Variants in DTYMK observed in about 807,000 individuals in gnomAD.
The protein encoded by DTYMK is thymidylate kinase.
A neutral mutation model predicts 20.3 loss-of-function variants in DTYMK; 20 were observed. The ratio of observed to expected loss-of-function variants is 0.99; its 90% CI spans 0.69 to 1.43. The LOEUF (loss-of-function observed/expected upper bound fraction) is 1.43, where lower values mean the gene tolerates loss of function less well. DTYMK is among the 40% of genes most tolerant of loss of function. The pLI is 0.00. For synonymous variants in DTYMK, 148 were observed against 124.4 expected (o/e 1.19, Z -1.27); for missense variants, 320 against 291.1 (o/e 1.10, Z -0.72).
In DTYMK at chr2:241,677,006, G is replaced by A. The variant is rs1022542562; in HGVS notation, c.529-769C>T. Reference sequence around the variant, plus strand: ...AGCTGTGCTGCACAATGGCGTGAACGGTGCGAGGAGCGTGGGGAGGGCATA... The same window carrying A: ...AGCTGTGCTGCACAATGGCGTGAACAGTGCGAGGAGCGTGGGGAGGGCATA... On this transcript the variant is annotated intron_variant, in intron 4 of 4. Coordinates refer to ENST00000305784, the MANE Select transcript of DTYMK (RefSeq NM_012145.4). 5.9e-5 allele frequency among the ~76,000 whole-genome samples: 9 copies of A among 152,362 alleles called. 1 individual carries two copies. Among genetic ancestry groups the A allele is most frequent in the East Asian group, 5.8e-4 (3 of 5,190 alleles).
At position 241,675,933 on chromosome 2, in the gene DTYMK, T is replaced by C; in HGVS notation, c.*194A>G. 1.8e-6 allele frequency: 1 copy of C among 542,850 alleles called. No homozygotes were observed. Among genetic ancestry groups the C allele is most frequent in the Admixed American group, 3.4e-5 (1 of 29,772 alleles). 33.6% of individuals were successfully genotyped at this position (542,850 alleles called of 1,614,324 possible). The stretch of plus-strand genomic sequence containing the variant: ...TCCATCGCTCTGCTCATGTCCACAC[T>C]GCCAAGGTCCCCACCACGGGGGTCC... On this transcript the variant is annotated 3_prime_UTR_variant, in exon 5 of 5. Coordinates refer to ENST00000305784, the MANE Select transcript of DTYMK (RefSeq NM_012145.4).
intron 3 of DTYMK, among the ~76,000 whole-genome samples, chr2:241,678,931 C>A (rs1575103928): frequency 6.6e-6 from 1 of 152,226 alleles, no homozygotes; most frequent in Admixed American, 6.5e-5. Flanking sequence ...GCCCTCCCAG[C>A]ACAGCTACAG....
chr2:241,679,040 C>T (rs548419076), intron 3 of DTYMK, among the ~76,000 whole-genome samples: 6 of 152,266 alleles, frequency 3.9e-5, no homozygotes, highest in Non-Finnish European at 7.4e-5. Context: ...GACACAGGCA[C>T]GAGGTCCTTG....
chr2:241,685,731 T>C (rs755384797), intron 2 of DTYMK, 38 bp downstream of exon 2: 13 of 1,587,418 alleles, frequency 8.2e-6, no homozygotes, highest in African/African-American at 1.3e-5. Context: ...GGAAGGAAAG[T>C]GGCAAGGGCA....
chr2:241,681,599 A>G (rs2069259903), intron 2 of DTYMK, among the ~76,000 whole-genome samples: 1 of 152,268 alleles, frequency 6.6e-6, no homozygotes, highest in Admixed American at 6.5e-5. Context: ...TGCAACTCCT[A>G]GACAGTAACA....
intron 1 of DTYMK, 106 bp from the exon 2 acceptor site, chr2:241,685,983 A>C: frequency 8.5e-7 from 1 of 1,172,980 alleles, no homozygotes. Context: ...CTCACGTTGA[A>C]TTTTACTTTA....
chr2:241,678,379 C>G (rs1272341369), intron 4 of DTYMK, 73 bp downstream of exon 4: 1 of 1,591,158 alleles, frequency 6.3e-7, no homozygotes, highest in African/African-American at 1.3e-5. Flanking sequence ...GCTGACACAA[C>G]TGTGCCAGCC....
Position 241,678,647 on chromosome 2 carries a change from A to G in DTYMK, c.333T>C (p.Asn111=). ...SGVAFTGAKE[N]FSLDWCKQPD... is the part of the protein sequence containing the mutation. Reference sequence around the variant, plus strand: ...GCTGTTTACACCAATCTAGGGAAAAATTCTGCCAAGAAAGAACCCAACAGT... The same window carrying G: ...GCTGTTTACACCAATCTAGGGAAAAGTTCTGCCAAGAAAGAACCCAACAGT... Residue 111 remains asparagine, a splice_region_variant and synonymous_variant, in exon 4 of 5, where the codon AAT becomes AAC. Transcript: ENST00000305784. 1.2e-6 allele frequency: 2 copies of G among 1,613,956 alleles called. No homozygotes were observed. Among genetic ancestry groups the G allele is most frequent in the Non-Finnish European group, 1.7e-6 (2 of 1,179,982 alleles).
In DTYMK at chr2:241,676,249, G is replaced by C. The variant is rs201657273; in HGVS notation, c.529-12C>G. ...GAAGCATCCACCATCTGTTCCCACC[G>C]GGGTTTCAGGAGAAAAAGAGGCTCA... On this transcript the variant is annotated splice_polypyrimidine_tract_variant and intron_variant, in intron 4 of 4. Transcript: ENST00000305784. 1.2e-6 allele frequency: 2 copies of C among 1,604,570 alleles called. No homozygotes were observed. Among genetic ancestry groups the C allele is most frequent in the Admixed American group, 1.7e-5 (1 of 59,128 alleles).
At chr2:241,678,966 CTA>C (rs1490393733) in intron 3 of DTYMK, among the ~76,000 whole-genome samples, 4 of 152,202 alleles carry the variant, frequency 2.6e-5, no homozygotes, top group Non-Finnish European at 4.4e-5. Context: ...AGCAAACAGT[CTA>C]TGTACAGAAC....
In DTYMK at chr2:241,675,964, G is replaced by T; in HGVS notation, c.*163C>A. The T allele has an allele frequency of 3.0e-6, 2 of 665,500 alleles. No homozygotes were observed. Among genetic ancestry groups the T allele is most frequent in the Non-Finnish European group, 4.8e-6 (2 of 413,194 alleles). 41.2% of individuals were successfully genotyped at this position (665,500 alleles called of 1,614,324 possible). A position where few individuals can be genotyped will look rare whatever the true frequency, so the allele number is the denominator to read the frequency against. ...GGTCCCCACCACGGGGGTCCCCAGT[G>T]CACCCCAGCTCCGGGGCAGAAGAGG... On this transcript the variant is annotated 3_prime_UTR_variant, in exon 5 of 5. Coordinates refer to ENST00000305784, the MANE Select transcript of DTYMK (RefSeq NM_012145.4).
rs373651149 is a variant in DTYMK at position 241,676,085 on chromosome 2, G to A, written c.*42C>T. ...GCCTTCCGCGAGTCTCCCACCTCTC[G>A]GGGGACTGCAGGGAGAGGCGTCTCC... On this transcript the variant is annotated 3_prime_UTR_variant, in exon 5 of 5. Coordinates refer to ENST00000305784, the MANE Select transcript of DTYMK (RefSeq NM_012145.4). 22 of 1,562,502 alleles carry A rather than the reference G, an allele frequency of 1.4e-5. No homozygotes were observed. Among genetic ancestry groups the A allele is most frequent in the Middle Eastern group, 2.1e-4 (1 of 4,724 alleles).
chr2:241,676,317 C>T lies in DTYMK; in HGVS notation c.529-80G>A. ...GGTCACGGGAGCCCACGCCTGTAAT[C>T]CCAGCACTTTGGGAGGCCCACGAGG... is the stretch of plus-strand genomic sequence containing the variant. On this transcript the variant is annotated intron_variant, in intron 4 of 4. Coordinates refer to ENST00000305784, the MANE Select transcript of DTYMK (RefSeq NM_012145.4). 2.9e-6 allele frequency: 4 copies of T among 1,379,860 alleles called. No homozygotes were observed. The South Asian group carries it at 5.0e-5, about 17-fold the overall frequency. The allele number at this position is 1,379,860 out of a possible 1,614,324, so 85.5% of individuals were successfully genotyped here.
chr2:241,682,333 T>C (rs1208471919), intron 2 of DTYMK: 2 of 398,642 alleles, frequency 5.0e-6, no homozygotes, highest in South Asian at 1.8e-5. Flanking sequence ...AGAGACCCTG[T>C]CTAAAAAAAG....
chr2:241,678,925 T>G (rs893054639), intron 3 of DTYMK, among the ~76,000 whole-genome samples: 3 of 152,146 alleles, frequency 2.0e-5, no homozygotes, highest in Non-Finnish European at 4.4e-5. Flanking sequence ...ATGGAGGCCC[T>G]CCCAGCACAG....
At position 241,685,777 on chromosome 2, in the gene DTYMK, C is replaced by T. The variant is rs1236491268; in HGVS notation, c.231G>A (p.Trp77Ter). 6 of 1,613,928 alleles carry T rather than the reference C, an allele frequency of 3.7e-6. No homozygotes were observed. The highest frequency in any genetic ancestry group is 1.1e-5 in the South Asian group (1 of 91,070). ...TGTGCAATGGTTTTTACACTTGTTC[C>T]CAGCGATTTGCAGAAAAAAGCAGGT... ...SVHLLFSANR[W>*]EQVPLIKEKL... Residue 77 changes from tryptophan to a stop codon, truncating the protein, a stop_gained, in exon 2 of 5, where the codon TGG becomes TGA. Coordinates refer to ENST00000305784, the MANE Select transcript of DTYMK (RefSeq NM_012145.4). LOFTEE classifies it high-confidence loss of function.
chr2:241,682,646 G>A (rs1335692952), intron 2 of DTYMK, among the ~76,000 whole-genome samples: 1 of 152,176 alleles, frequency 6.6e-6, no homozygotes, highest in Non-Finnish European at 1.5e-5. Flanking sequence ...AATTGGCCGG[G>A]CATGGTGGCT....
intron 1 of DTYMK, 96 bp downstream of exon 1, chr2:241,686,558 C>G (rs1405579943): frequency 4.3e-6 from 6 of 1,385,116 alleles, no homozygotes; most frequent in Non-Finnish European, 5.6e-6. Flanking sequence ...GCACAGTTCA[C>G]AGCACGCCAG....
At chr2:241,686,130 G>A (rs1312436058) in intron 1 of DTYMK, among the ~76,000 whole-genome samples, 1 of 152,212 alleles carries the variant, frequency 6.6e-6, no homozygotes, top group African/African-American at 2.4e-5. Context: ...AGACTTCAAA[G>A]AAAGCATTTA....
Sources: allele counts gnomAD v4.1 joint callset (sites outside exome capture counted in the v4.1 genomes callset), GRCh38; gene constraint gnomAD v4.1.1; transcripts MANE v1.5; gene names NCBI Gene and HGNC (gene_info 2026-07-23, HGNC 2026-07-21).